GRK5: variants seen among roughly 807,000 people sequenced by gnomAD.
GRK5 encodes G protein-coupled receptor kinase 5.
Under a neutral mutation model 78.4 loss-of-function variants are expected in GRK5, and 40 were observed. The ratio of observed to expected loss-of-function variants is 0.51; its 90% CI spans 0.40 to 0.66. The LOEUF (loss-of-function observed/expected upper bound fraction) is 0.66, where lower values mean the gene tolerates loss of function less well. Among genes scored for constraint, GRK5 ranks in the 30% least tolerant of loss-of-function variants. The pLI is 0.00. For synonymous variants in GRK5, 289 were observed against 296.8 expected, an observed-to-expected ratio of 0.97 and a Z score of 0.27; for missense variants, 598 against 759.9, an observed-to-expected ratio of 0.79 and a Z score of 2.50.
intron 1 of GRK5, among the ~76,000 whole-genome samples, chr10:119,321,423 C>G (rs574041104): frequency 2.0e-5 from 3 of 152,172 alleles, no homozygotes; most frequent in Non-Finnish European, 4.4e-5. Flanking sequence ...GGGCTGTGTT[C>G]CCTCTGGGGG....
In GRK5 at chr10:119,424,988, A is replaced by C; in HGVS notation, c.441-5A>C. 2 of 1,595,550 alleles carry C rather than the reference A, an allele frequency of 1.3e-6. No individual in the cohort carries two copies. Among genetic ancestry groups the C allele is most frequent in the Middle Eastern group, 1.7e-4 (1 of 6,030 alleles). ...ATGTTCATCCTCTTGTTCCATCTGC[A>C]CTAGGTCTGTCCACGAGTACCTGAG... On this transcript the variant is annotated splice_polypyrimidine_tract_variant and splice_region_variant and intron_variant, in intron 5 of 15. Coordinates refer to ENST00000392870, the MANE Select transcript of GRK5 (RefSeq NM_005308.3).
chr10:119,275,641 AC>A (rs1401891046), intron 1 of GRK5, among the ~76,000 whole-genome samples: 1 of 151,774 alleles, frequency 6.6e-6, no homozygotes, highest in Non-Finnish European at 1.5e-5. Flanking sequence ...ACACACACAC[AC>A]ACACAGAGTA....
intron 1 of GRK5, among the ~76,000 whole-genome samples, chr10:119,224,389 A>ATTTAT (rs1554896268): frequency 6.7e-6 from 1 of 148,676 alleles, no homozygotes; most frequent in Admixed American, 6.7e-5. Flanking sequence ...TTATTAATTT[A>ATTTAT]TTATTTATTT....
chr10:119,269,209 G>C (rs955810976), intron 1 of GRK5, among the ~76,000 whole-genome samples: 1 of 152,196 alleles, frequency 6.6e-6, no homozygotes, highest in Non-Finnish European at 1.5e-5. Flanking sequence ...ATGACCTGAC[G>C]CGTTCCCCCT....
intron 1 of GRK5, among the ~76,000 whole-genome samples, chr10:119,210,344 T>C (rs1848467887): frequency 2.0e-5 from 3 of 152,244 alleles, no homozygotes. Context: ...TCTTTCTCTC[T>C]TATGCCTAGA....
At chr10:119,393,185 C>T (rs1851914727) in intron 3 of GRK5, among the ~76,000 whole-genome samples, 1 of 152,192 alleles carries the variant, frequency 6.6e-6, no homozygotes. Flanking sequence ...GGCCTTCCAT[C>T]CGTTTTCCAC....
chr10:119,316,581 A>T (rs973798918), intron 1 of GRK5, among the ~76,000 whole-genome samples: 1 of 152,222 alleles, frequency 6.6e-6, no homozygotes, highest in Non-Finnish European at 1.5e-5. Context: ...ATAATTCGCT[A>T]GACTCCCTCG....
intron 2 of GRK5, among the ~76,000 whole-genome samples, chr10:119,353,932 C>CTTTTTTTTTTTTT (rs761463283): frequency 3.2e-4 from 35 of 108,596 alleles, no homozygotes; most frequent in South Asian, 5.9e-4. Flanking sequence ...TTTTTTCTTT[C>CTTTTTTTTTTTTT]TTTTTTTTTT....
rs1019543121 is a variant in GRK5 at position 119,430,137 on chromosome 10, T to C, written c.534-238T>C. Among the ~76,000 whole-genome samples, 5 of 152,062 alleles carry C rather than the reference T, an allele frequency of 3.3e-5. No individual in the cohort carries two copies. The highest frequency in any genetic ancestry group is 5.9e-5 in the Non-Finnish European group (4 of 68,016). Reference sequence around the variant, plus strand: ...TTTCTGAGCAAGCGAGGCTTGTGCATCCCCCAGCTTGCAGGGGGCTGGGGG... The same window carrying C: ...TTTCTGAGCAAGCGAGGCTTGTGCACCCCCCAGCTTGCAGGGGGCTGGGGG... On this transcript the variant is annotated intron_variant, in intron 6 of 15. Coordinates refer to ENST00000392870, the MANE Select transcript of GRK5 (RefSeq NM_005308.3). This position sits in a 1 kb window ranked among gnomAD's most constrained non-coding sequence, Gnocchi z 4.5.
At chr10:119,324,043 G>C (rs1360317172) in intron 1 of GRK5, among the ~76,000 whole-genome samples, 2 of 152,180 alleles carry the variant, frequency 1.3e-5, no homozygotes, top group African/African-American at 4.8e-5. Flanking sequence ...GCTTTTCTGG[G>C]AGCTCACAGG....
intron 1 of GRK5, among the ~76,000 whole-genome samples, chr10:119,283,424 T>G (rs1849794521): frequency 6.6e-6 from 1 of 152,176 alleles, no homozygotes; most frequent in Non-Finnish European, 1.5e-5. Context: ...CTCCAAGCCC[T>G]GCAAGTCCTT....
At chr10:119,391,572 A>T (rs1256703896) in intron 3 of GRK5, among the ~76,000 whole-genome samples, 1 of 151,952 alleles carries the variant, frequency 6.6e-6, no homozygotes, top group Non-Finnish European at 1.5e-5. Flanking sequence ...CTGACGCGGG[A>T]TCGTGGGAGA....
At position 119,311,914 on chromosome 10, in the gene GRK5, AT is replaced by A. The variant is rs1554905357; in HGVS notation, c.53-14583del. Among the ~76,000 whole-genome samples the A allele has an allele frequency of 5.2e-4, 72 of 137,810 alleles. 1 individual carries two copies. The highest frequency in any genetic ancestry group is 7.1e-4 in the African/African-American group (26 of 36,562). The allele number at this position is 137,810 out of a possible 152,430, so 90.4% of individuals were successfully genotyped here. The stretch of plus-strand genomic sequence containing the variant: ...TGTACTGAATGCTACTGAATTGTTC[AT>A]TTTTTTTTTTTTTTTTTTGAGACGG... On this transcript the variant is annotated intron_variant, in intron 1 of 15. Coordinates refer to ENST00000392870, the MANE Select transcript of GRK5 (RefSeq NM_005308.3).
chr10:119,233,528 G>C (rs1848865812), intron 1 of GRK5, among the ~76,000 whole-genome samples: 1 of 152,212 alleles, frequency 6.6e-6, no homozygotes, highest in Non-Finnish European at 1.5e-5. Flanking sequence ...GGGGGAGAGA[G>C]AGAGAGTCCT....
intron 5 of GRK5, among the ~76,000 whole-genome samples, 193 bp downstream of exon 5, chr10:119,423,459 C>CTG (rs1429566022): frequency 1.4e-5 from 2 of 140,104 alleles, no homozygotes; most frequent in African/African-American, 5.3e-5. Context: ...AAGAAAACAT[C>CTG]TGCTGCAAAG....
At position 119,271,726 on chromosome 10, in the gene GRK5, C is replaced by T. The variant is rs867976474; in HGVS notation, c.53-54790C>T. ...AGGTGTGTGAGCACTAGGTTGGTGA[C>T]GAGGTTTAGCAGCAGGTGGACTCTG... On this transcript the variant is annotated intron_variant, in intron 1 of 15. Coordinates refer to ENST00000392870, the MANE Select transcript of GRK5 (RefSeq NM_005308.3). This position sits in a 1 kb window ranked among gnomAD's most constrained non-coding sequence, Gnocchi z 4.1. Among the ~76,000 whole-genome samples the T allele has an allele frequency of 1.1e-4, 16 of 152,150 alleles. No homozygotes were observed. Among genetic ancestry groups the T allele is most frequent in the Admixed American group, 2.0e-4 (3 of 15,282 alleles).
chr10:119,291,912 CTCT>C (rs1327675506), intron 1 of GRK5, among the ~76,000 whole-genome samples: 1 of 149,286 alleles, frequency 6.7e-6, no homozygotes. Context: ...CCTCCTCCTC[CTCT>C]TCTTCTTCCT....
At chr10:119,339,536 G>C (rs1005569982) in intron 2 of GRK5, among the ~76,000 whole-genome samples, 4 of 152,092 alleles carry the variant, frequency 2.6e-5, no homozygotes, top group Non-Finnish European at 5.9e-5. Context: ...AGGAGTGGGG[G>C]GTTGCAGGGA....
chr10:119,319,138 GC>G (rs1358134372), intron 1 of GRK5, among the ~76,000 whole-genome samples: 2 of 152,118 alleles, frequency 1.3e-5, no homozygotes, highest in African/African-American at 2.4e-5. Context: ...CTCCTGCCCT[GC>G]CTTCCCCTTA....
Sources: gnomAD v4.1 joint callset for allele counts (sites outside exome capture counted in the v4.1 genomes callset) on GRCh38, gnomAD v4.1.1 for gene constraint, Gnocchi (gnomAD v3.1) non-coding constraint, MANE v1.5 for transcripts, NCBI Gene and HGNC (gene_info 2026-07-23, HGNC 2026-07-21) for gene names.